TMEM132C: variants seen among roughly 807,000 people sequenced by gnomAD.
The protein encoded by TMEM132C is protein phosphatase 1, regulatory subunit 152.
A neutral mutation model predicts 61.4 loss-of-function variants in TMEM132C; 29 were observed. The ratio of observed to expected loss-of-function variants is 0.47; its 90% CI spans 0.35 to 0.64. TMEM132C has a LOEUF of 0.64. TMEM132C is among the 30% of genes least tolerant of loss of function. The pLI, the probability that TMEM132C is intolerant of heterozygous loss-of-function variation, is 0.00. For synonymous variants in TMEM132C, 656 were observed against 633.1 expected, an observed-to-expected ratio of 1.04 and a Z score of -0.54; for missense variants, 1,408 against 1,476.9, an observed-to-expected ratio of 0.95 and a Z score of 0.76.
chr12:128,579,641 G>A (rs536865291), intron 3 of TMEM132C, among the ~76,000 whole-genome samples: 196 of 152,334 alleles, frequency 1.3e-3, no homozygotes, highest in Non-Finnish European at 2.6e-3. Context: ...ACCTCTCCCT[G>A]CAGGGGTGAT....
intron 1 of TMEM132C, among the ~76,000 whole-genome samples, chr12:128,327,463 A>G (rs1205531260): frequency 6.9e-6 from 1 of 145,870 alleles, no homozygotes; most frequent in African/African-American, 2.8e-5. Flanking sequence ...GCTCACTGCA[A>G]CCTCCGCCTC....
At chr12:128,466,365 T>C (rs1870737874) in intron 2 of TMEM132C, among the ~76,000 whole-genome samples, 1 of 152,264 alleles carries the variant, frequency 6.6e-6, no homozygotes, top group African/African-American at 2.4e-5. Context: ...TTGGCTTATA[T>C]AAAATTTACA....
rs75576548 is a variant in TMEM132C, at chr12:128,335,085, C to T, written c.85+67598C>T. On this transcript the variant is annotated intron_variant, in intron 1 of 8. Transcript: ENST00000435159. The stretch of plus-strand genomic sequence containing the variant: ...AAAGTTACAGGATTATGCCACATTT[C>T]GTTTTAAAATTTAGATTTGCATATG... 4.2e-3 allele frequency among the ~76,000 whole-genome samples: 646 copies of T among 152,194 alleles called. 7 individuals carry two copies. The highest frequency in any genetic ancestry group is 0.015 in the African/African-American group (605 of 41,512).
At chr12:128,700,131 C>T (rs1018915058) in intron 8 of TMEM132C, among the ~76,000 whole-genome samples, 1 of 152,160 alleles carries the variant, frequency 6.6e-6, no homozygotes, top group African/African-American at 2.4e-5. Context: ...CGGCCGCTCC[C>T]CATCTCCTGT....
intron 4 of TMEM132C, among the ~76,000 whole-genome samples, chr12:128,633,684 A>G (rs1196602882): frequency 1.3e-5 from 2 of 152,218 alleles, no homozygotes; most frequent in Non-Finnish European, 2.9e-5. Context: ...TAGTACCAAA[A>G]AGAGATGTTT....
chr12:128,323,920 G>C (rs953815899), intron 1 of TMEM132C, among the ~76,000 whole-genome samples: 1 of 152,210 alleles, frequency 6.6e-6, no homozygotes, highest in Non-Finnish European at 1.5e-5. Flanking sequence ...AGGGGAAAGA[G>C]AGGGAGGGAA....
Position 128,267,411 on chromosome 12 carries a change from C to A in TMEM132C, c.9C>A (p.Ser3=). 1 of 1,215,328 alleles carries A rather than the reference C, an allele frequency of 8.2e-7. No individual in the cohort carries two copies. Among genetic ancestry groups the A allele is most frequent in the East Asian group, 3.5e-5 (1 of 28,912 alleles). The allele number at this position is 1,215,328 out of a possible 1,614,324, so 75.3% of individuals were successfully genotyped here. A position where few individuals can be genotyped will look rare whatever the true frequency, so the allele number is the denominator to read the frequency against. ...AGCGGCCGGGACGCAGGATGCGCTCCGAGGGTGCGGCCCCCGGGCCGGCGG... is the reference window on the plus strand; with the variant it reads ...AGCGGCCGGGACGCAGGATGCGCTCAGAGGGTGCGGCCCCCGGGCCGGCGG... MR[S]EGAAPGPAAP... is the part of the protein sequence containing the mutation. The change falls in exon 1 of 9, where the codon TCC becomes TCA. Residue 3 remains serine (S), a synonymous_variant. Coordinates refer to ENST00000435159, the MANE Select transcript of TMEM132C (RefSeq NM_001136103.3).
chr12:128,354,504 C>T, intron 1 of TMEM132C, among the ~76,000 whole-genome samples: 1 of 148,568 alleles, frequency 6.7e-6, no homozygotes, highest in Admixed American at 6.8e-5. Context: ...TCTTTCTTTG[C>T]TTCCCTCCTT....
intron 2 of TMEM132C, among the ~76,000 whole-genome samples, chr12:128,486,903 ACACACACACACACACACAG>A (rs1447645086): frequency 0.081 from 12,230 of 151,820 alleles, 553 homozygotes; most frequent in Middle Eastern, 0.11. Flanking sequence ...ACACACACAC[ACACACACACACACACACAG>A]CTCAGCACTT....
chr12:128,555,875 C>T (rs1232111076), intron 3 of TMEM132C, among the ~76,000 whole-genome samples: 1 of 152,094 alleles, frequency 6.6e-6, no homozygotes, highest in Non-Finnish European at 1.5e-5. Flanking sequence ...CCACCACACC[C>T]AGCTAGTTTT....
intron 2 of TMEM132C, among the ~76,000 whole-genome samples, chr12:128,498,602 G>A (rs1872051459): frequency 6.6e-6 from 1 of 152,034 alleles, no homozygotes; most frequent in Non-Finnish European, 1.5e-5. Context: ...TTGAACCTGG[G>A]AGACAGATGT....
intron 1 of TMEM132C, among the ~76,000 whole-genome samples, chr12:128,376,049 G>A (rs1316574130): frequency 6.6e-6 from 1 of 152,178 alleles, no homozygotes; most frequent in Non-Finnish European, 1.5e-5. Flanking sequence ...GCTTTGCTAT[G>A]GGTTTGTTCT....
chr12:128,536,892 C>T (rs1161168201), intron 2 of TMEM132C, among the ~76,000 whole-genome samples: 3 of 152,122 alleles, frequency 2.0e-5, no homozygotes, highest in African/African-American at 7.2e-5. Context: ...TGCAGCCTGC[C>T]AGGTGGCCAT....
intron 2 of TMEM132C, among the ~76,000 whole-genome samples, chr12:128,515,788 T>C (rs940060814): frequency 1.3e-5 from 2 of 151,454 alleles, no homozygotes; most frequent in African/African-American, 4.9e-5. Context: ...TGAGCCGAGA[T>C]GGTGCCACTG....
rs373130427 is a variant in TMEM132C at position 128,625,505 on chromosome 12, G to C, written c.1305+9170G>C. 9.4e-4 allele frequency among the ~76,000 whole-genome samples: 143 copies of C among 152,308 alleles called. No individual in the cohort carries two copies. In the Middle Eastern group the frequency reaches 0.01, roughly 11 times the overall value. Reference sequence around the variant, plus strand: ...ACTTACAGTTCCACATGGCTGGGGAGGCCTCACAATCATGGTGGAAGGCAA... The same window carrying C: ...ACTTACAGTTCCACATGGCTGGGGACGCCTCACAATCATGGTGGAAGGCAA... On this transcript the variant is annotated intron_variant, in intron 4 of 8. Coordinates refer to ENST00000435159, the MANE Select transcript of TMEM132C (RefSeq NM_001136103.3).
At chr12:128,554,874 C>T (rs1177971591) in intron 3 of TMEM132C, among the ~76,000 whole-genome samples, 2 of 152,190 alleles carry the variant, frequency 1.3e-5, no homozygotes, top group African/African-American at 4.8e-5. Context: ...GTGGAGTTCT[C>T]TCTCCCTGCT....
At chr12:128,665,375 G>GCA (rs34447670) in intron 4 of TMEM132C, among the ~76,000 whole-genome samples, 16,088 of 131,072 alleles carry the variant, frequency 0.12, 2,672 homozygotes, top group African/African-American at 0.39. Flanking sequence ...AAACACAGGT[G>GCA]CACACACACA....
intron 2 of TMEM132C, among the ~76,000 whole-genome samples, chr12:128,451,540 G>A (rs548707119): frequency 6.6e-6 from 1 of 152,244 alleles, no homozygotes; most frequent in Non-Finnish European, 1.5e-5. Context: ...AATGTGCAGG[G>A]CCACTCATTT....
At chr12:128,466,128 GC>G (rs1870726551) in intron 2 of TMEM132C, among the ~76,000 whole-genome samples, 1 of 152,178 alleles carries the variant, frequency 6.6e-6, no homozygotes, top group Non-Finnish European at 1.5e-5. Context: ...TGGGAGAAGG[GC>G]CCAGAAATGA....
Sources: gnomAD v4.1 joint callset for allele counts (sites outside exome capture counted in the v4.1 genomes callset) on GRCh38, gnomAD v4.1.1 for gene constraint, MANE v1.5 for transcripts, NCBI Gene and HGNC (gene_info 2026-07-23, HGNC 2026-07-21) for gene names.